The following ARB2A variants were observed in gnomAD, a reference collection of about 807,000 sequenced individuals.
ARB2A encodes cotranscriptional regulator ARB2A.
chr5:94,053,098 TA>T, the ARB2A span: 1 of 1,257,830 alleles, frequency 8.0e-7, no homozygotes, highest in East Asian at 2.4e-5. Flanking sequence ...GATAGATAGA[TA>T]GATAGATAGA....
chr5:93,838,054 G>T, the ARB2A span, among the ~76,000 whole-genome samples: 1 of 152,002 alleles, frequency 6.6e-6, no homozygotes, highest in Admixed American at 6.6e-5. Context: ...GATTGCTTTT[G>T]GTGTCTTTGT....
chr5:93,790,244 A>C, the ARB2A span, among the ~76,000 whole-genome samples: 1 of 152,234 alleles, frequency 6.6e-6, no homozygotes, highest in Non-Finnish European at 1.5e-5. Flanking sequence ...AGCAACTAGC[A>C]GAGGACATGG....
chr5:93,835,461 A>C, the ARB2A span, among the ~76,000 whole-genome samples: 2 of 152,242 alleles, frequency 1.3e-5, no homozygotes. Context: ...GTACTCCTAT[A>C]ATATACACTT....
At chr5:94,055,797 G>A in the ARB2A span, 3 of 985,302 alleles carry the variant, frequency 3.0e-6, no homozygotes, top group East Asian at 3.4e-4. Context: ...TGACTTCGCA[G>A]TCATCTACAA....
At chr5:94,075,209 G>A in the ARB2A span, among the ~76,000 whole-genome samples, 1 of 151,862 alleles carries the variant, frequency 6.6e-6, no homozygotes, top group African/African-American at 2.4e-5. Flanking sequence ...CTTCCTTCTG[G>A]AACAAGCAGA....
chr5:94,031,244 T>C, the ARB2A span, among the ~76,000 whole-genome samples: 1 of 152,030 alleles, frequency 6.6e-6, no homozygotes, highest in Non-Finnish European at 1.5e-5. Context: ...GCTCAGAAGA[T>C]GAAAAGAACT....
the ARB2A span, among the ~76,000 whole-genome samples, chr5:93,954,815 G>A: frequency 6.6e-6 from 1 of 152,100 alleles, no homozygotes; most frequent in South Asian, 2.1e-4. Flanking sequence ...GAGGCTTGCT[G>A]GAACTCAGGT....
the ARB2A span, among the ~76,000 whole-genome samples, chr5:93,854,458 A>C: frequency 6.6e-6 from 1 of 151,914 alleles, no homozygotes; most frequent in South Asian, 2.1e-4. Flanking sequence ...TATTTCCTTC[A>C]GTTCTGCTCT....
chr5:93,949,433 C>T, the ARB2A span, among the ~76,000 whole-genome samples: 2,619 of 151,916 alleles, frequency 0.017, 83 homozygotes, highest in African/African-American at 0.059. Context: ...TGGTGGCACA[C>T]GCCTGTAGTC....
the ARB2A span, among the ~76,000 whole-genome samples, chr5:93,978,060 A>G: frequency 3.9e-5 from 6 of 152,352 alleles, no homozygotes; most frequent in East Asian, 1.2e-3. Flanking sequence ...CAAAGCCACT[A>G]TGAGATACCT....
chr5:93,926,192 C>T, the ARB2A span, among the ~76,000 whole-genome samples: 14 of 151,702 alleles, frequency 9.2e-5, no homozygotes, highest in Middle Eastern at 3.4e-3. Flanking sequence ...TACAATGGCG[C>T]GATCTCGGCT....
At chr5:94,086,616 G>A in the ARB2A span, among the ~76,000 whole-genome samples, 1 of 152,114 alleles carries the variant, frequency 6.6e-6, no homozygotes, top group South Asian at 2.1e-4. Context: ...GCAATGGCAC[G>A]ATCTCAGCTC....
the ARB2A span, among the ~76,000 whole-genome samples, chr5:94,032,351 A>T: frequency 2.0e-5 from 3 of 152,214 alleles, no homozygotes; most frequent in African/African-American, 7.2e-5. Context: ...CAGGTGTCTC[A>T]CATGGCAAGA....
chr5:93,764,571 A>G, the ARB2A span, among the ~76,000 whole-genome samples: 2 of 152,322 alleles, frequency 1.3e-5, no homozygotes, highest in Non-Finnish European at 2.9e-5. Flanking sequence ...CCAACCAAAA[A>G]AAGTCCAGGA....
chr5:94,103,795 C>CAAAAAAAAA, the ARB2A span, among the ~76,000 whole-genome samples: 1 of 113,344 alleles, frequency 8.8e-6, no homozygotes, highest in Non-Finnish European at 1.9e-5. Context: ...TCAACAGATT[C>CAAAAAAAAA]AAAAAAAAAA....
At chr5:93,625,483 T>C in the ARB2A span, among the ~76,000 whole-genome samples, 7 of 152,336 alleles carry the variant, frequency 4.6e-5, no homozygotes, top group Admixed American at 4.6e-4. Context: ...TTTTTCATTT[T>C]TCTTATGTTT....
the ARB2A span, among the ~76,000 whole-genome samples, chr5:94,010,188 C>T: frequency 6.6e-6 from 1 of 152,078 alleles, no homozygotes; most frequent in Admixed American, 6.5e-5. Context: ...TTTAGTGCTA[C>T]AAATTCTCCT....
chr5:93,783,446 A>G, the ARB2A span, among the ~76,000 whole-genome samples: 2 of 152,258 alleles, frequency 1.3e-5, no homozygotes, highest in East Asian at 1.9e-4. Flanking sequence ...TAATTTTTCT[A>G]TCTCTTCAAA....
At chr5:93,767,529 T>C in the ARB2A span, among the ~76,000 whole-genome samples, 2 of 152,070 alleles carry the variant, frequency 1.3e-5, no homozygotes, top group Non-Finnish European at 2.9e-5. Flanking sequence ...CCTGGGTATC[T>C]ACCCAGAGGA....
Sources: allele counts gnomAD v4.1 joint callset (sites outside exome capture counted in the v4.1 genomes callset), GRCh38; gene constraint gnomAD v4.1.1; transcripts MANE v1.5; gene names NCBI Gene and HGNC (gene_info 2026-07-23, HGNC 2026-07-21).